NBEA: variants seen among roughly 807,000 people sequenced by gnomAD.
NBEA encodes the protein lysosomal-trafficking regulator 2.
NBEA carries 44 observed loss-of-function variants against 343.4 expected under a neutral mutation model. The observed-to-expected ratio is 0.13, with a 90% CI of 0.10 to 0.16. The LOEUF is 0.16. Ranked by LOEUF, NBEA falls within the 10% of genes least tolerant of loss-of-function variation. The pLI is 1.00. For synonymous variants in NBEA, 1,175 were observed against 1,238.7 expected, an observed-to-expected ratio of 0.95 and a Z score of 1.08; for missense variants, 2,555 against 3,631.3, an observed-to-expected ratio of 0.70 and a Z score of 7.62.
intron 58 of NBEA, among the ~76,000 whole-genome samples, chr13:35,670,551 T>G (rs947773087): frequency 6.6e-6 from 1 of 152,084 alleles, no homozygotes; most frequent in Non-Finnish European, 1.5e-5. Context: ...ATGCCAGATA[T>G]CCTCAGAGAA....
rs114435856 is a variant in NBEA at position 35,505,176 on chromosome 13, A to G, written c.6585+32640A>G. ...TAAAACATACCTATACTTGTTTGGA[A>G]TCATGCTTACTATGTTCATATGAAT... is the stretch of plus-strand genomic sequence containing the variant. On this transcript the variant is annotated intron_variant, in intron 41 of 58. Transcript: ENST00000379939. Among the ~76,000 whole-genome samples, 358 of 152,292 alleles carry G rather than the reference A, an allele frequency of 2.4e-3. 1 individual carries two copies. The highest frequency in any genetic ancestry group is 7.6e-3 in the African/African-American group (316 of 41,568).
chr13:35,149,772 A>G (rs1307514176), intron 18 of NBEA, among the ~76,000 whole-genome samples: 2 of 152,182 alleles, frequency 1.3e-5, no homozygotes, highest in African/African-American at 4.8e-5. Context: ...TAGTCAGTGC[A>G]ACTTTATATT....
chr13:35,223,014 C>T (rs2074455654), intron 33 of NBEA, among the ~76,000 whole-genome samples: 3 of 152,122 alleles, frequency 2.0e-5, no homozygotes, highest in Admixed American at 6.5e-5. Flanking sequence ...GCCTGTAATC[C>T]CAGCTACTCC....
chr13:35,273,341 C>G (rs185113770), intron 34 of NBEA, among the ~76,000 whole-genome samples: 38 of 152,254 alleles, frequency 2.5e-4, no homozygotes, highest in African/African-American at 7.7e-4. Flanking sequence ...ATCTCTGGGA[C>G]ACATTTAAAG....
intron 35 of NBEA, among the ~76,000 whole-genome samples, chr13:35,292,261 C>G (rs947209116): frequency 1.3e-5 from 2 of 151,718 alleles, no homozygotes; most frequent in Non-Finnish European, 2.9e-5. Context: ...ACACACATAC[C>G]AAAAAATGGA....
At chr13:35,473,216 T>C (rs2075730463) in intron 41 of NBEA, among the ~76,000 whole-genome samples, 1 of 152,198 alleles carries the variant, frequency 6.6e-6, no homozygotes, top group African/African-American at 2.4e-5. Context: ...AGTAGCTCTT[T>C]CTCAGCATTT....
chr13:35,632,968 C>T (rs1010521871), intron 49 of NBEA, among the ~76,000 whole-genome samples: 5 of 148,274 alleles, frequency 3.4e-5, no homozygotes, highest in Admixed American at 1.3e-4. Context: ...ATCACATGGG[C>T]ATCTCAGAAT....
intron 38 of NBEA, among the ~76,000 whole-genome samples, chr13:35,366,529 C>A (rs2152879017): frequency 6.7e-6 from 1 of 150,208 alleles, no homozygotes; most frequent in Middle Eastern, 3.4e-3. Flanking sequence ...GTTTTTTTTG[C>A]AATGATGTTT....
chr13:35,365,755 A>G (rs1195766619), intron 38 of NBEA, among the ~76,000 whole-genome samples: 1 of 151,752 alleles, frequency 6.6e-6, no homozygotes, highest in Non-Finnish European at 1.5e-5. Context: ...ATATGTTAAA[A>G]AGGTTTAGAA....
chr13:35,626,658 T>C (rs938130282), intron 48 of NBEA, among the ~76,000 whole-genome samples: 1 of 152,192 alleles, frequency 6.6e-6, no homozygotes, highest in African/African-American at 2.4e-5. Context: ...AAAATATTAC[T>C]AAATAATTAG....
intron 38 of NBEA, among the ~76,000 whole-genome samples, chr13:35,416,141 T>C (rs938457840): frequency 2.0e-5 from 3 of 152,110 alleles, no homozygotes; most frequent in Non-Finnish European, 4.4e-5. Context: ...TGGGCTGAGA[T>C]GATGGGGTTT....
intron 41 of NBEA, among the ~76,000 whole-genome samples, chr13:35,508,782 G>A (rs1231425798): frequency 1.3e-5 from 2 of 152,186 alleles, no homozygotes; most frequent in African/African-American, 2.4e-5. Context: ...GGATCTAGGG[G>A]AGTGGAGGTC....
chr13:35,490,883 T>C (rs1031741133), intron 41 of NBEA, among the ~76,000 whole-genome samples: 3 of 151,932 alleles, frequency 2.0e-5, no homozygotes, highest in African/African-American at 7.2e-5. Context: ...GATTTTCATC[T>C]ATGCCATCTG....
intron 53 of NBEA, among the ~76,000 whole-genome samples, chr13:35,653,458 G>A (rs2084659541): frequency 6.6e-6 from 1 of 151,270 alleles, no homozygotes; most frequent in Non-Finnish European, 1.5e-5. Flanking sequence ...AGCCTCCTGA[G>A]TAGCTGGGAT....
At chr13:35,070,676 C>T (rs1480328320) in intron 9 of NBEA, 43 bp from the exon 10 acceptor site, 1 of 1,480,312 alleles carries the variant, frequency 6.8e-7, no homozygotes, top group Non-Finnish European at 9.2e-7. Flanking sequence ...GTGATGAAAT[C>T]ATTCTATAGA....
At chr13:34,988,861 G>C (rs1420707883) in intron 1 of NBEA, among the ~76,000 whole-genome samples, 1 of 150,616 alleles carries the variant, frequency 6.6e-6, no homozygotes, top group South Asian at 2.1e-4. Context: ...ACAGCATGTA[G>C]CTGAGTCTTT....
At chr13:35,320,996 G>A (rs1045887661) in intron 36 of NBEA, among the ~76,000 whole-genome samples, 3 of 151,822 alleles carry the variant, frequency 2.0e-5, no homozygotes, top group Non-Finnish European at 4.4e-5. Context: ...TTCCTCCAAC[G>A]TTTTTTTCGA....
At chr13:35,535,740 T>C (rs2078507660) in intron 41 of NBEA, among the ~76,000 whole-genome samples, 1 of 152,196 alleles carries the variant, frequency 6.6e-6, no homozygotes, top group African/African-American at 2.4e-5. Flanking sequence ...CCTGAAGTTA[T>C]ACAAACTTTA....
chr13:35,127,359 C>T (rs774832523), intron 17 of NBEA, among the ~76,000 whole-genome samples: 98 of 152,200 alleles, frequency 6.4e-4, no homozygotes, highest in Non-Finnish European at 1.1e-3. Flanking sequence ...AAAGTCCAAC[C>T]AACTAGGAAT....
Sources: allele counts gnomAD v4.1 joint callset (sites outside exome capture counted in the v4.1 genomes callset), GRCh38; gene constraint gnomAD v4.1.1; transcripts MANE v1.5; gene names NCBI Gene and HGNC (gene_info 2026-07-23, HGNC 2026-07-21).